The following JADE2 variants were observed in gnomAD, a reference collection of about 807,000 sequenced individuals.
JADE2 encodes the protein E3 ubiquitin-protein ligase Jade-2.
A neutral mutation model predicts 85.7 loss-of-function variants in JADE2; 13 were observed. The observed-to-expected ratio is 0.15, with a 90% CI of 0.10 to 0.24. JADE2 has a LOEUF of 0.24. Among genes scored for constraint, JADE2 ranks in the 10% least tolerant of loss-of-function variants. The pLI is 1.00. For synonymous variants in JADE2, 440 were observed against 456.1 expected, an observed-to-expected ratio of 0.96 and a Z score of 0.45; for missense variants, 846 against 1,115.9, an observed-to-expected ratio of 0.76 and a Z score of 3.45.
At chr5:134,529,419 C>A (rs1761083383) in intron 1 of JADE2, among the ~76,000 whole-genome samples, 1 of 152,202 alleles carries the variant, frequency 6.6e-6, no homozygotes, top group African/African-American at 2.4e-5. Flanking sequence ...ATGGGGTACA[C>A]CTTCTGGAGT....
At chr5:134,563,797 C>A (rs1299819648) in intron 7 of JADE2, among the ~76,000 whole-genome samples, 1 of 152,204 alleles carries the variant, frequency 6.6e-6, no homozygotes, top group East Asian at 1.9e-4. Flanking sequence ...GAGACAGAAC[C>A]AACAGGGACT....
intron 9 of JADE2, among the ~76,000 whole-genome samples, chr5:134,570,053 T>C (rs1039718468): frequency 1.3e-5 from 2 of 152,172 alleles, no homozygotes; most frequent in Admixed American, 6.5e-5. Flanking sequence ...ACTCACTCCC[T>C]GTATGGCACT....
At chr5:134,563,725 T>G (rs1469219111) in intron 7 of JADE2, among the ~76,000 whole-genome samples, 1 of 152,232 alleles carries the variant, frequency 6.6e-6, no homozygotes, top group Non-Finnish European at 1.5e-5. Context: ...AGGCACTTGC[T>G]TGCAGATCAG....
At chr5:134,568,322 C>T (rs1452455618) in intron 9 of JADE2, among the ~76,000 whole-genome samples, 6 of 152,184 alleles carry the variant, frequency 3.9e-5, no homozygotes, top group Non-Finnish European at 8.8e-5. Context: ...ATTTGGACCT[C>T]AGTCGGGGGC....
Position 134,563,660 on chromosome 5 carries a change from C to G in JADE2, c.853-834C>G, listed in dbSNP as rs191659501. 8.9e-4 allele frequency among the ~76,000 whole-genome samples: 135 copies of G among 152,348 alleles called. 1 individual carries two copies. Among genetic ancestry groups the G allele is most frequent in the African/African-American group, 3.1e-3 (128 of 41,576 alleles). On this transcript the variant is annotated intron_variant, in intron 7 of 11. Coordinates refer to ENST00000681547, the MANE Select transcript of JADE2 (RefSeq NM_001388185.1). Reference sequence around the variant, plus strand: ...AGTGGCACTCTCCTTCCTGGGCTCACAGTCTGAAGCCCACAATGCGGGCTT... The same window carrying G: ...AGTGGCACTCTCCTTCCTGGGCTCAGAGTCTGAAGCCCACAATGCGGGCTT...
intron 3 of JADE2, among the ~76,000 whole-genome samples, chr5:134,545,434 C>T (rs1208257570): frequency 6.6e-6 from 1 of 150,398 alleles, no homozygotes; most frequent in African/African-American, 2.4e-5. Flanking sequence ...AAGTGTCTTA[C>T]GAACTTAGCC....
At chr5:134,569,766 G>C (rs1371914119) in intron 9 of JADE2, among the ~76,000 whole-genome samples, 1 of 152,164 alleles carries the variant, frequency 6.6e-6, no homozygotes, top group Non-Finnish European at 1.5e-5. Context: ...TGGCCTCAGT[G>C]CCTGGATGGT....
chr5:134,553,699 G>A (rs1172720762), intron 4 of JADE2, among the ~76,000 whole-genome samples: 1 of 151,238 alleles, frequency 6.6e-6, no homozygotes, highest in Non-Finnish European at 1.5e-5. Context: ...AGTTCTTAGA[G>A]GGGGAGTCAA....
chr5:134,528,931 GGTT>G (rs1761053742), intron 1 of JADE2, among the ~76,000 whole-genome samples: 1 of 152,192 alleles, frequency 6.6e-6, no homozygotes, highest in Admixed American at 6.5e-5. Flanking sequence ...TGGTCCAAGA[GGTT>G]GTCAGAAATC....
rs763747988 is a variant in JADE2, at chr5:134,566,352, G to T, written c.1206G>T (p.Glu402Asp). The change falls in exon 9 of 12, where the codon GAG (glutamate) becomes GAT (aspartate). Residue 402 changes from glutamate (E) to aspartate (D), a missense_variant. Coordinates refer to ENST00000681547, the MANE Select transcript of JADE2 (RefSeq NM_001388185.1). This position sits in a 1 kb window ranked among gnomAD's most constrained non-coding sequence, Gnocchi z 6.7. ...AGCAGCGGCTGCAGCAGCTAGAGGA[G>T]GACTTCTACGAGCTGGTGGAGCCGG... ...LRKQRLQQLEEDFYELVEPAE... is the reference protein window; with the variant it reads ...LRKQRLQQLEDDFYELVEPAE... 18 of 1,614,032 alleles carry T rather than the reference G, an allele frequency of 1.1e-5. No individual in the cohort carries two copies. The highest frequency in any genetic ancestry group is 1.7e-5 in the Admixed American group (1 of 60,032).
At position 134,578,175 on chromosome 5, in the gene JADE2, AAGAGCTATAAC is replaced by A. The variant is rs1281466710; in HGVS notation, c.1682-317_1682-307del. ...CCAAAAAACCTGCTAGACAAACTAA[AAGAGCTATAAC>A]ACTCCACCTTGAAATTCTTAATAAT... On this transcript the variant is annotated intron_variant, in intron 11 of 11. Transcript: ENST00000681547. This position sits in a 1 kb window ranked among gnomAD's most constrained non-coding sequence, Gnocchi z 4.4. Among the ~76,000 whole-genome samples, 22 of 152,220 alleles carry A rather than the reference AAGAGCTATAAC, an allele frequency of 1.4e-4. No homozygotes were observed. The highest frequency in any genetic ancestry group is 1.4e-3 in the Admixed American group (22 of 15,276).
chr5:134,540,101 G>T (rs1475941726), intron 3 of JADE2, among the ~76,000 whole-genome samples: 6 of 152,160 alleles, frequency 3.9e-5, no homozygotes, highest in Non-Finnish European at 8.8e-5. Flanking sequence ...GGGTAGCCCT[G>T]CTTGGTAGGG....
At chr5:134,570,751 C>T (rs1472698226) in intron 9 of JADE2, among the ~76,000 whole-genome samples, 3 of 152,192 alleles carry the variant, frequency 2.0e-5, no homozygotes, top group Admixed American at 2.0e-4. Context: ...CCCTCTCTGG[C>T]TGCTCCTTGG....
intron 1 of JADE2, chr5:134,526,418 C>G (rs1760824316): frequency 4.7e-5 from 46 of 985,072 alleles, no homozygotes; most frequent in Non-Finnish European, 5.5e-5. Flanking sequence ...GGGGCTGCGG[C>G]GGGAGATGGG....
chr5:134,578,758 A>AACCACCACC lies in JADE2; in HGVS notation c.1956_1964dup (p.Pro653_Pro655dup). The AACCACCACC allele has an allele frequency of 2.5e-6, 4 of 1,613,560 alleles. No homozygotes were observed. Among genetic ancestry groups the AACCACCACC allele is most frequent in the African/African-American group, 2.7e-5 (2 of 75,024 alleles). On this transcript the variant is annotated inframe_insertion, in exon 12 of 12. Coordinates refer to ENST00000681547, the MANE Select transcript of JADE2 (RefSeq NM_001388185.1). The surrounding 1 kb of genome is among the most constrained non-coding windows in gnomAD (Gnocchi z 4.4). ...CGCACCCGCCTGCCTGCCAAGAAGA[A>AACCACCACC]ACCACCACCACCACCACCGCAGGAC... is the stretch of plus-strand genomic sequence containing the variant.
At chr5:134,531,060 A>G (rs1407563786) in intron 1 of JADE2, among the ~76,000 whole-genome samples, 4 of 152,186 alleles carry the variant, frequency 2.6e-5, no homozygotes, top group Non-Finnish European at 5.9e-5. Context: ...TATTCCGTGG[A>G]CACTGGGTGG....
chr5:134,537,730 T>A (rs1761684914), intron 2 of JADE2, among the ~76,000 whole-genome samples: 1 of 151,948 alleles, frequency 6.6e-6, no homozygotes, highest in Non-Finnish European at 1.5e-5. Context: ...TTGTCTGGGG[T>A]CACACATTAA....
chr5:134,558,519 A>G (rs1763122105), intron 4 of JADE2, among the ~76,000 whole-genome samples: 1 of 152,124 alleles, frequency 6.6e-6, no homozygotes, highest in African/African-American at 2.4e-5. Context: ...TTTTAGGTCT[A>G]ACGTTTAAAT....
chr5:134,557,272 TTTTTTTTA>T, intron 4 of JADE2, among the ~76,000 whole-genome samples: 1 of 90,544 alleles, frequency 1.1e-5, no homozygotes, highest in South Asian at 3.0e-4. Flanking sequence ...TTTTTTATTT[TTTTTTTTA>T]TTTTTTTTTT....
Sources: allele counts gnomAD v4.1 joint callset (sites outside exome capture counted in the v4.1 genomes callset), GRCh38; gene constraint gnomAD v4.1.1; non-coding constraint Gnocchi (gnomAD v3.1); transcripts MANE v1.5; gene names NCBI Gene and HGNC (gene_info 2026-07-23, HGNC 2026-07-21).